GPRC5C: variants seen among roughly 807,000 people sequenced by gnomAD.
GPRC5C encodes the protein G protein-coupled receptor family C group 5 member C.
GPRC5C carries 22 observed loss-of-function variants against 31.4 expected under a neutral mutation model. The observed-to-expected ratio is 0.70, with a 90% CI of 0.50 to 1.00. GPRC5C has a LOEUF of 1.00. Ranked by LOEUF, GPRC5C falls within the 50% of genes least tolerant of loss-of-function variation. GPRC5C has a pLI of 0.00. For synonymous variants in GPRC5C, 249 were observed against 257.5 expected (o/e 0.97, Z 0.32); for missense variants, 557 against 597.2 (o/e 0.93, Z 0.70).
rs142708564 is a variant in GPRC5C, at chr17:74,443,910, C to G, written c.1144C>G (p.Pro382Ala). The G allele has an allele frequency of 1.2e-6, 2 of 1,605,594 alleles. No homozygotes were observed. The highest frequency in any genetic ancestry group is 2.2e-5 in the South Asian group (2 of 90,750). The change falls in exon 3 of 4, where the codon CCG (proline) becomes GCG (alanine). Residue 382 changes from proline to alanine, a missense_variant and splice_region_variant. Pro to Ala is a conservative substitution (Grantham distance 27). Coordinates refer to ENST00000392627, the MANE Select transcript of GPRC5C (RefSeq NM_022036.4). ...TGAGATGGCCCTGATGCACAAAGTTCCGGTAAGTGGGTTCCCCAGGTCCCC... is the reference window on the plus strand; with the variant it reads ...TGAGATGGCCCTGATGCACAAAGTTGCGGTAAGTGGGTTCCCCAGGTCCCC... ...PTEMALMHKV[P>A]SEGAYDIILP...
At chr17:74,432,480 G>A (rs910617449) in intron 1 of GPRC5C, 1 of 1,046,746 alleles carries the variant, frequency 9.6e-7, no homozygotes, top group Non-Finnish European at 1.1e-6. Context: ...GGCTGGAGTT[G>A]GCCCCAAACG....
chr17:74,435,249 A>G (rs2055416784), intron 1 of GPRC5C, among the ~76,000 whole-genome samples: 1 of 152,124 alleles, frequency 6.6e-6, no homozygotes, highest in African/African-American at 2.4e-5. Flanking sequence ...CATTGGCTGA[A>G]TGTGCACTCC....
chr17:74,449,023 CG>C, downstream of GPRC5C: 2 of 584,806 alleles, frequency 3.4e-6, no homozygotes, highest in South Asian at 1.7e-5. Flanking sequence ...AGGCCGGCCC[CG>C]GGGAGCCTGC....
rs201326653 is a variant in GPRC5C, at chr17:74,440,180, C to T, written c.404C>T (p.Ala135Val). The T allele has an allele frequency of 1.1e-5, 17 of 1,614,196 alleles. 1 individual carries two copies. The highest frequency in any genetic ancestry group is 4.5e-5 in the East Asian group (2 of 44,882). ...VLFAICFSCL[A>V]AHVFALNFLA... ...TTCGCCATCTGCTTCTCTTGTCTGGCGGCTCACGTCTTTGCCCTCAACTTC... is the reference window on the plus strand; with the variant it reads ...TTCGCCATCTGCTTCTCTTGTCTGGTGGCTCACGTCTTTGCCCTCAACTTC... Residue 135 changes from alanine (A) to valine (V), a missense_variant, in exon 2 of 4, where the codon GCG becomes GTG. Coordinates refer to ENST00000392627, the MANE Select transcript of GPRC5C (RefSeq NM_022036.4). This position sits in a 1 kb window ranked among gnomAD's most constrained non-coding sequence, Gnocchi z 4.4.
rs1567966226 is a variant in GPRC5C, at chr17:74,447,426, T to C, written c.*398T>C. 1.1e-6 allele frequency: 1 copy of C among 916,464 alleles called. No individual in the cohort carries two copies. Among genetic ancestry groups the C allele is most frequent in the Non-Finnish European group, 1.3e-6 (1 of 764,974 alleles). The allele number at this position is 916,464 out of a possible 1,614,324, so 56.8% of individuals were successfully genotyped here. ...GCCTAATAAATACATTTCTGCTTTA[T>C]TAACTCTTGCTCTGGGATTGTGGTT... On this transcript the variant is annotated 3_prime_UTR_variant, in exon 4 of 4. Coordinates refer to ENST00000392627, the MANE Select transcript of GPRC5C (RefSeq NM_022036.4).
At chr17:74,443,093 G>C (rs2055568749) in intron 2 of GPRC5C, 2 of 155,602 alleles carry the variant, frequency 1.3e-5, no homozygotes, top group African/African-American at 4.8e-5. Context: ...CCAGACGTCC[G>C]CTGTGCCGTC....
intron 3 of GPRC5C, among the ~76,000 whole-genome samples, chr17:74,444,750 C>T (rs1024367338): frequency 3.9e-5 from 6 of 152,192 alleles, no homozygotes; most frequent in Non-Finnish European, 7.3e-5. Context: ...GTGGAGGCTG[C>T]GGGCTGTCAG....
At chr17:74,437,591 T>C (rs2055451411) in intron 1 of GPRC5C, among the ~76,000 whole-genome samples, 1 of 151,874 alleles carries the variant, frequency 6.6e-6, no homozygotes, top group Non-Finnish European at 1.5e-5. Context: ...TTGCCCCTGA[T>C]TTAGTAAGTG....
intron 1 of GPRC5C, 48 bp downstream of exon 1, chr17:74,432,189 G>A (rs752329326): frequency 1.3e-6 from 2 of 1,581,368 alleles, no homozygotes. Context: ...CTGTGTAAAC[G>A]GAGCGCACGT....
chr17:74,438,202 A>C (rs1246921135), intron 1 of GPRC5C, among the ~76,000 whole-genome samples: 1 of 76,976 alleles, frequency 1.3e-5, no homozygotes, highest in Non-Finnish European at 2.4e-5. Flanking sequence ...ACTCTCTGCT[A>C]ATTCATATAT....
chr17:74,449,747 C>T (rs532741199), downstream of GPRC5C: 368 of 197,398 alleles, frequency 1.9e-3, no homozygotes, highest in African/African-American at 8.3e-3. Flanking sequence ...CTCAGTGCCC[C>T]GTCTTGACTC....
intron 1 of GPRC5C, among the ~76,000 whole-genome samples, chr17:74,435,451 C>T (rs377730651): frequency 1.6e-4 from 25 of 152,184 alleles, no homozygotes; most frequent in African/African-American, 6.0e-4. Flanking sequence ...AGGATGGGAC[C>T]AGGTTGTTTC....
intron 1 of GPRC5C, among the ~76,000 whole-genome samples, chr17:74,437,299 T>G (rs1405209399): frequency 6.6e-6 from 1 of 152,202 alleles, no homozygotes; most frequent in East Asian, 1.9e-4. Context: ...CAGTTGGTGC[T>G]TTATTGATTT....
Position 74,447,325 on chromosome 17 carries a change from C to G in GPRC5C, c.*297C>G. ...GTGGCTGGGCAGCGCCTATGTTTCT[C>G]TGGAGATTCCTGCAACCTCAAGAGA... is the stretch of plus-strand genomic sequence containing the variant. On this transcript the variant is annotated 3_prime_UTR_variant, in exon 4 of 4. Transcript: ENST00000392627. 2 of 1,134,064 alleles carry G rather than the reference C, an allele frequency of 1.8e-6. No homozygotes were observed. Among genetic ancestry groups the G allele is most frequent in the South Asian group, 3.4e-5 (1 of 29,020 alleles). The allele number at this position is 1,134,064 out of a possible 1,614,324, so 70.3% of individuals were successfully genotyped here. A position where few individuals can be genotyped will look rare whatever the true frequency, so the allele number is the denominator to read the frequency against.
chr17:74,434,271 C>G (rs909786644), intron 1 of GPRC5C, among the ~76,000 whole-genome samples: 2 of 152,206 alleles, frequency 1.3e-5, no homozygotes, highest in African/African-American at 4.8e-5. Flanking sequence ...TCCTACCCCC[C>G]TCCTTGAACC....
chr17:74,442,799 T>G (rs553748334), intron 2 of GPRC5C, among the ~76,000 whole-genome samples: 78 of 152,238 alleles, frequency 5.1e-4, no homozygotes, highest in Non-Finnish European at 9.9e-4. Context: ...GCCTCACCCC[T>G]GGGTGGCCCC....
At chr17:74,436,719 G>C (rs906945658) in intron 1 of GPRC5C, among the ~76,000 whole-genome samples, 4 of 152,176 alleles carry the variant, frequency 2.6e-5, no homozygotes, top group African/African-American at 9.7e-5. Flanking sequence ...GAGGGAGGTG[G>C]GGTGAAAAGC....
intron 3 of GPRC5C, 36 bp from the exon 4 acceptor site, chr17:74,446,813 A>G (rs1052531799): frequency 4.5e-6 from 7 of 1,543,186 alleles, no homozygotes; most frequent in African/African-American, 2.7e-5. Flanking sequence ...CTGGCTCCCA[A>G]TCCCCGACTG....
Position 74,440,620 on chromosome 17 carries a change from A to T in GPRC5C, c.844A>T (p.Ile282Phe). ...SPTWDDPTLAIALAANAWAFV... is the reference protein window; with the variant it reads ...SPTWDDPTLAFALAANAWAFV... ...CACCTGGGATGACCCCACGCTGGCCATCGCCCTCGCCGCCAATGCCTGGGC... is the reference window on the plus strand; with the variant it reads ...CACCTGGGATGACCCCACGCTGGCCTTCGCCCTCGCCGCCAATGCCTGGGC... Residue 282 changes from isoleucine to phenylalanine, a missense_variant, in exon 2 of 4, where the codon ATC becomes TTC. Transcript: ENST00000392627. This position sits in a 1 kb window ranked among gnomAD's most constrained non-coding sequence, Gnocchi z 4.4. 1 of 1,608,892 alleles carries T rather than the reference A, an allele frequency of 6.2e-7. No individual in the cohort carries two copies. Among genetic ancestry groups the T allele is most frequent in the South Asian group, 1.1e-5 (1 of 90,946 alleles).
Sources: gnomAD v4.1 joint callset for allele counts (sites outside exome capture counted in the v4.1 genomes callset) on GRCh38, gnomAD v4.1.1 for gene constraint, Gnocchi (gnomAD v3.1) non-coding constraint, MANE v1.5 for transcripts, NCBI Gene and HGNC (gene_info 2026-07-23, HGNC 2026-07-21) for gene names.